PRKN: variants seen among roughly 807,000 people sequenced by gnomAD.
PRKN encodes parkin RBR E3 ubiquitin protein ligase, also known as E3 ubiquitin-protein ligase parkin.
Under a neutral mutation model 59.5 loss-of-function variants are expected in PRKN, and 56 were observed. That is an observed-to-expected ratio of 0.94 (90% confidence interval 0.76 to 1.18). The LOEUF is 1.18. Among genes scored for constraint, PRKN ranks in the 50% most tolerant of loss-of-function variants. PRKN has a pLI of 0.00. For synonymous variants in PRKN, 250 were observed against 222.1 expected, an observed-to-expected ratio of 1.13 and a Z score of -1.12; for missense variants, 657 against 596.4, an observed-to-expected ratio of 1.10 and a Z score of -1.06.
intron 4 of PRKN, among the ~76,000 whole-genome samples, chr6:162,171,071 G>A (rs1051526729): frequency 6.6e-6 from 1 of 151,830 alleles, no homozygotes; most frequent in Non-Finnish European, 1.5e-5. Flanking sequence ...AAGAGTTGAG[G>A]ATGTCAGAAC....
chr6:162,472,979 A>C (rs1195283773), intron 1 of PRKN, among the ~76,000 whole-genome samples: 1 of 150,758 alleles, frequency 6.6e-6, no homozygotes, highest in African/African-American at 2.5e-5. Context: ...TATTCAATTA[A>C]GGAAAATATT....
At chr6:161,840,119 GACC>G (rs1792923106) in intron 6 of PRKN, among the ~76,000 whole-genome samples, 1 of 152,174 alleles carries the variant, frequency 6.6e-6, no homozygotes, top group Non-Finnish European at 1.5e-5. Flanking sequence ...AACACACAAA[GACC>G]ACCAGCACTG....
At chr6:162,720,595 C>T (rs1032648167) in intron 1 of PRKN, among the ~76,000 whole-genome samples, 24 of 151,648 alleles carry the variant, frequency 1.6e-4, no homozygotes, top group Admixed American at 1.2e-3. Context: ...GGACTACAGG[C>T]GCCCGCCACC....
At chr6:161,939,235 T>C (rs1431125308) in intron 6 of PRKN, among the ~76,000 whole-genome samples, 2 of 151,354 alleles carry the variant, frequency 1.3e-5, no homozygotes, top group Admixed American at 6.6e-5. Context: ...ATGGCCAACA[T>C]GGTGAAACCC....
At chr6:162,041,485 C>A (rs1002501002) in intron 5 of PRKN, among the ~76,000 whole-genome samples, 11 of 152,160 alleles carry the variant, frequency 7.2e-5, no homozygotes, top group African/African-American at 2.4e-4. Context: ...TGCCTCCAGG[C>A]CCCACCCATT....
intron 7 of PRKN, among the ~76,000 whole-genome samples, chr6:161,628,009 T>C (rs1783155414): frequency 6.6e-6 from 1 of 152,184 alleles, no homozygotes; most frequent in Admixed American, 6.5e-5. Flanking sequence ...CAAAACAAAC[T>C]GATAATTAAA....
At chr6:161,901,914 C>T (rs1298216341) in intron 6 of PRKN, among the ~76,000 whole-genome samples, 1 of 152,088 alleles carries the variant, frequency 6.6e-6, no homozygotes, top group African/African-American at 2.4e-5. Flanking sequence ...GTGCAAGTTC[C>T]CCTGGAGAGA....
chr6:162,723,526 T>C (rs1048540096), intron 1 of PRKN, among the ~76,000 whole-genome samples: 2 of 152,264 alleles, frequency 1.3e-5, no homozygotes, highest in Middle Eastern at 6.8e-3. Context: ...TGAGTCAGTC[T>C]CAGGAAGGAC....
chr6:161,455,853 C>A (rs1276408765), intron 9 of PRKN, among the ~76,000 whole-genome samples: 2 of 141,350 alleles, frequency 1.4e-5, no homozygotes, highest in Non-Finnish European at 1.5e-5. Flanking sequence ...CACAGCAAGA[C>A]TCCGTCTCAA....
intron 1 of PRKN, among the ~76,000 whole-genome samples, chr6:162,607,605 T>A (rs1435184912): frequency 6.6e-6 from 1 of 151,928 alleles, no homozygotes. Flanking sequence ...ATCCCACTGA[T>A]AAGATGAGGC....
At chr6:161,659,669 G>A (rs904623394) in intron 7 of PRKN, among the ~76,000 whole-genome samples, 1 of 152,234 alleles carries the variant, frequency 6.6e-6, no homozygotes, top group East Asian at 1.9e-4. Flanking sequence ...GGTGGGCAAC[G>A]GCCCTGGAGG....
chr6:161,889,701 A>C lies in PRKN; in HGVS notation c.734+83601T>G, dbSNP rs146444656. Among the ~76,000 whole-genome samples the C allele has an allele frequency of 9.3e-4, 142 of 152,342 alleles. 1 individual carries two copies. The highest frequency in any genetic ancestry group is 1.8e-3 in the Non-Finnish European group (122 of 68,030). ...TTCAAGTGTACATCAAAAGGAAAGA[A>C]GTCAACACAACTGTAAGACAATTTA... On this transcript the variant is annotated intron_variant, in intron 6 of 11. Coordinates refer to ENST00000366898, the MANE Select transcript of PRKN (RefSeq NM_004562.3).
At chr6:161,590,919 T>C (rs1477980387) in intron 7 of PRKN, among the ~76,000 whole-genome samples, 1 of 152,160 alleles carries the variant, frequency 6.6e-6, no homozygotes, top group Non-Finnish European at 1.5e-5. Flanking sequence ...GGATGCAACA[T>C]GTGAGCTGGG....
intron 7 of PRKN, among the ~76,000 whole-genome samples, chr6:161,633,221 G>C (rs1422013526): frequency 6.6e-6 from 1 of 152,196 alleles, no homozygotes; most frequent in Non-Finnish European, 1.5e-5. Context: ...AGATAATTTA[G>C]TTGGTTTTCT....
intron 1 of PRKN, among the ~76,000 whole-genome samples, chr6:162,717,962 T>A (rs184704498): frequency 6.6e-6 from 1 of 152,306 alleles, no homozygotes; most frequent in East Asian, 1.9e-4. Context: ...GCTGAAGATC[T>A]GAAAAACACA....
At chr6:161,968,261 A>G (rs1780661029) in intron 6 of PRKN, among the ~76,000 whole-genome samples, 1 of 145,180 alleles carries the variant, frequency 6.9e-6, no homozygotes, top group African/African-American at 2.6e-5. Context: ...CTGCTCTCAA[A>G]CTCCTGGCCT....
intron 6 of PRKN, among the ~76,000 whole-genome samples, chr6:161,962,738 T>C (rs1379922516): frequency 6.6e-6 from 1 of 151,928 alleles, no homozygotes; most frequent in African/African-American, 2.4e-5. Context: ...GGGTTTGCCA[T>C]GTTTGTCAGG....
chr6:162,402,369 C>G (rs1201582381), intron 2 of PRKN, among the ~76,000 whole-genome samples: 1 of 152,042 alleles, frequency 6.6e-6, no homozygotes, highest in African/African-American at 2.4e-5. Flanking sequence ...ATGTACTTTT[C>G]TCCAAAAGGA....
chr6:161,524,205 A>G (rs1288664246), intron 9 of PRKN, among the ~76,000 whole-genome samples: 1 of 152,210 alleles, frequency 6.6e-6, no homozygotes, highest in Non-Finnish European at 1.5e-5. Context: ...CTGAGCAGCA[A>G]GGGTGGTCCA....
Sources: allele counts gnomAD v4.1 joint callset (sites outside exome capture counted in the v4.1 genomes callset), GRCh38; gene constraint gnomAD v4.1.1; transcripts MANE v1.5; gene names NCBI Gene and HGNC (gene_info 2026-07-23, HGNC 2026-07-21).